Variants in FFAR4 observed in about 807,000 individuals in gnomAD.
FFAR4 encodes G-protein coupled receptor 120.
FFAR4 carries 19 observed loss-of-function variants against 27.0 expected under a neutral mutation model. The ratio of observed to expected loss-of-function variants is 0.70; its 90% CI spans 0.49 to 1.03. The LOEUF (loss-of-function observed/expected upper bound fraction) is 1.03, where lower values mean the gene tolerates loss of function less well. Among genes scored for constraint, FFAR4 ranks in the 50% least tolerant of loss-of-function variants. The pLI is 0.00. For synonymous variants in FFAR4, 254 were observed against 215.6 expected (o/e 1.18, Z -1.56); for missense variants, 476 against 479.0 (o/e 0.99, Z 0.06).
intron 2 of FFAR4, among the ~76,000 whole-genome samples, chr10:93,581,367 A>G (rs2058196271): frequency 6.6e-6 from 1 of 152,194 alleles, no homozygotes; most frequent in Non-Finnish European, 1.5e-5. Flanking sequence ...GGTAGGTGGA[A>G]TCTCTGGAAA....
Position 93,587,670 on chromosome 10 carries a change from T to C in FFAR4, c.*61T>C, listed in dbSNP as rs1412383787. ...GCTGTGGCATGCTTTTAAACAGAGT[T>C]CATTTCCAGTACCCTCCATCAGTGC... is the stretch of plus-strand genomic sequence containing the variant. On this transcript the variant is annotated 3_prime_UTR_variant, in exon 3 of 3. Transcript: ENST00000371481. 13 of 1,496,418 alleles carry C rather than the reference T, an allele frequency of 8.7e-6. No homozygotes were observed. The allele number at this position is 1,496,418 out of a possible 1,614,324, so 92.7% of individuals were successfully genotyped here.
chr10:93,585,018 T>C (rs2058219246), intron 2 of FFAR4, among the ~76,000 whole-genome samples: 1 of 152,202 alleles, frequency 6.6e-6, no homozygotes, highest in Non-Finnish European at 1.5e-5. Context: ...TAGTTACAAG[T>C]ATTCTAACGG....
chr10:93,570,893 A>G (rs1741388576), intron 1 of FFAR4, among the ~76,000 whole-genome samples: 1 of 152,130 alleles, frequency 6.6e-6, no homozygotes, highest in Non-Finnish European at 1.5e-5. Flanking sequence ...TAACCTCTCA[A>G]TACCTCACTT....
chr10:93,574,240 A>G lies in FFAR4; in HGVS notation c.568-1851A>G, dbSNP rs191032028. ...TGTAGAGAGAACACCTTGCTCTATC[A>G]TTATACCCTCCACAAAAGTCTTGCT... is the stretch of plus-strand genomic sequence containing the variant. On this transcript the variant is annotated intron_variant, in intron 1 of 2. Transcript: ENST00000371481. Among the ~76,000 whole-genome samples the G allele has an allele frequency of 2.4e-4, 36 of 152,280 alleles. 1 individual carries two copies. The East Asian group carries it at 6.4e-3, about 27-fold the overall frequency.
intron 2 of FFAR4, among the ~76,000 whole-genome samples, chr10:93,576,825 A>G (rs11187517): frequency 0.038 from 5,758 of 152,254 alleles, 358 homozygotes; most frequent in African/African-American, 0.13. Context: ...TTGTTTCCCC[A>G]TCGCAAACAC....
Position 93,587,523 on chromosome 10 carries a change from T to C in FFAR4, c.1000T>C (p.Phe334Leu), listed in dbSNP as rs1341728290. Residue 334 changes from phenylalanine to leucine, a missense_variant, in exon 3 of 3, where the codon TTT (phenylalanine) becomes CTT (leucine). Phe to Leu is a conservative substitution (Grantham distance 22). Coordinates refer to ENST00000371481, the MANE Select transcript of FFAR4 (RefSeq NM_001195755.2). ...TLCRNEWKKI[F>L]CCFWFPEKGA... Reference sequence around the variant, plus strand: ...GTGCAGGAATGAGTGGAAGAAAATTTTTTGCTGCTTCTGGTTCCCAGAAAA... The same window carrying C: ...GTGCAGGAATGAGTGGAAGAAAATTCTTTGCTGCTTCTGGTTCCCAGAAAA... The C allele has an allele frequency of 6.2e-7, 1 of 1,613,912 alleles. No homozygotes were observed. The highest frequency in any genetic ancestry group is 2.2e-5 in the East Asian group (1 of 44,886).
intron 2 of FFAR4, among the ~76,000 whole-genome samples, chr10:93,583,646 G>A (rs1312528727): frequency 6.6e-6 from 1 of 152,192 alleles, no homozygotes; most frequent in Non-Finnish European, 1.5e-5. Flanking sequence ...AAGACAATGG[G>A]CTGGCGTCAG....
chr10:93,579,899 C>G (rs983710455), intron 2 of FFAR4, among the ~76,000 whole-genome samples: 9 of 152,158 alleles, frequency 5.9e-5, no homozygotes, highest in African/African-American at 1.9e-4. Flanking sequence ...GCCAAATATG[C>G]CTCAGTGGAT....
chr10:93,578,098 C>T (rs117062992), intron 2 of FFAR4, among the ~76,000 whole-genome samples: 136 of 152,098 alleles, frequency 8.9e-4, no homozygotes, highest in Non-Finnish European at 1.6e-3. Flanking sequence ...GCTACACAAA[C>T]GTAAGGGACG....
intron 2 of FFAR4, among the ~76,000 whole-genome samples, chr10:93,583,411 G>A (rs1475336164): frequency 7.1e-6 from 1 of 141,144 alleles, no homozygotes; most frequent in East Asian, 2.0e-4. Flanking sequence ...GCGAGACTCC[G>A]CTTCAAAAAA....
intron 1 of FFAR4, among the ~76,000 whole-genome samples, chr10:93,570,935 A>G (rs1315172392): frequency 6.6e-6 from 1 of 152,198 alleles, no homozygotes; most frequent in Non-Finnish European, 1.5e-5. Flanking sequence ...TGATTACAGT[A>G]TCAACCAACC....
chr10:93,577,164 C>T (rs995917646), intron 2 of FFAR4, among the ~76,000 whole-genome samples: 8 of 152,174 alleles, frequency 5.3e-5, no homozygotes, highest in African/African-American at 1.9e-4. Flanking sequence ...GTTGCCTGCC[C>T]AGGCAAACAG....
At chr10:93,576,046 A>G (rs2058161680) in intron 1 of FFAR4, 45 bp from the exon 2 acceptor site, 3 of 1,608,198 alleles carry the variant, frequency 1.9e-6, no homozygotes, top group Non-Finnish European at 2.6e-6. Flanking sequence ...AGAGGCCAAT[A>G]AGAAGCCAGC....
intron 1 of FFAR4, among the ~76,000 whole-genome samples, chr10:93,573,689 G>A (rs527406028): frequency 3.9e-5 from 6 of 152,320 alleles, no homozygotes; most frequent in Admixed American, 6.5e-5. Flanking sequence ...CAGTTCATGT[G>A]TGGGGGTGCC....
At chr10:93,571,078 A>G (rs1036060161) in intron 1 of FFAR4, among the ~76,000 whole-genome samples, 11 of 152,194 alleles carry the variant, frequency 7.2e-5, no homozygotes, top group African/African-American at 2.2e-4. Flanking sequence ...AACATTCTTC[A>G]AACAGTATAA....
chr10:93,573,555 T>C (rs1265624035), intron 1 of FFAR4, among the ~76,000 whole-genome samples: 2 of 152,230 alleles, frequency 1.3e-5, no homozygotes, highest in African/African-American at 4.8e-5. Flanking sequence ...TCTGTGGGCA[T>C]GGCACCTGTT....
At chr10:93,585,089 T>C (rs1190176475) in intron 2 of FFAR4, among the ~76,000 whole-genome samples, 3 of 152,190 alleles carry the variant, frequency 2.0e-5, no homozygotes, top group Non-Finnish European at 4.4e-5. Context: ...ATGATGTTAA[T>C]TACCTTCCAT....
intron 2 of FFAR4, 94 bp from the exon 3 acceptor site, chr10:93,587,125 TG>T: frequency 8.8e-7 from 1 of 1,135,860 alleles, no homozygotes; most frequent in Non-Finnish European, 1.3e-6. Context: ...TTCAGTGCCT[TG>T]GGGATAGCAG....
intron 2 of FFAR4, among the ~76,000 whole-genome samples, chr10:93,583,131 G>A (rs1053611095): frequency 2.0e-5 from 3 of 151,382 alleles, no homozygotes; most frequent in African/African-American, 7.3e-5. Flanking sequence ...GGCCGGGCGC[G>A]GTGGCTCAAG....
Sources: gnomAD v4.1 joint callset for allele counts (sites outside exome capture counted in the v4.1 genomes callset) on GRCh38, gnomAD v4.1.1 for gene constraint, MANE v1.5 for transcripts, NCBI Gene and HGNC (gene_info 2026-07-23, HGNC 2026-07-21) for gene names.